ACBD6: variants seen among roughly 807,000 people sequenced by gnomAD.
ACBD6 encodes acyl-CoA binding domain containing 6.
ACBD6 carries 28 observed loss-of-function variants against 37.2 expected under a neutral mutation model. The observed-to-expected ratio is 0.75, with a 90% CI of 0.56 to 1.03. The LOEUF (loss-of-function observed/expected upper bound fraction) is 1.03, where lower values mean the gene tolerates loss of function less well. ACBD6 is among the 50% of genes least tolerant of loss of function. The pLI is 0.00. For missense variants in ACBD6, 340 were observed against 337.4 expected (o/e 1.01, Z -0.06); for synonymous variants, 113 against 126.8 (o/e 0.89, Z 0.73).
At chr1:180,382,295 A>G (rs1226837292) in intron 6 of ACBD6, among the ~76,000 whole-genome samples, 1 of 152,070 alleles carries the variant, frequency 6.6e-6, no homozygotes, top group Non-Finnish European at 1.5e-5. Flanking sequence ...AACAGAAGTT[A>G]ATAAACCAAT....
At chr1:180,442,395 G>C (rs753776239) in intron 3 of ACBD6, among the ~76,000 whole-genome samples, 6 of 152,114 alleles carry the variant, frequency 3.9e-5, no homozygotes, top group Non-Finnish European at 5.9e-5. Context: ...ATAGAGAACA[G>C]AGTCACTGCT....
chr1:180,382,697 T>C (rs1653703518), intron 6 of ACBD6, among the ~76,000 whole-genome samples: 1 of 152,166 alleles, frequency 6.6e-6, no homozygotes, highest in South Asian at 2.1e-4. Context: ...TTCCCCCTAA[T>C]TCATTCTACA....
Position 180,329,979 on chromosome 1 carries a change from TTTC to T in ACBD6, c.664-15260_664-15258del, listed in dbSNP as rs145609708. On this transcript the variant is annotated intron_variant, in intron 6 of 7. Coordinates refer to ENST00000367595, the MANE Select transcript of ACBD6 (RefSeq NM_032360.4). Reference sequence around the variant, plus strand: ...CTTTCTGACCAGCCCACTCCTCAGTTTTCTTAAGTTTTCTCTATGAATAAAAAC... The same window carrying T: ...CTTTCTGACCAGCCCACTCCTCAGTTTTAAGTTTTCTCTATGAATAAAAAC... Among the ~76,000 whole-genome samples the T allele has an allele frequency of 6.6e-3, 1,011 of 152,338 alleles. 15 individuals carry two copies. Among genetic ancestry groups the T allele is most frequent in the African/African-American group, 0.023 (965 of 41,566 alleles).
intron 3 of ACBD6, among the ~76,000 whole-genome samples, chr1:180,467,911 A>G (rs990384133): frequency 7.2e-5 from 11 of 152,236 alleles, no homozygotes; most frequent in African/African-American, 2.4e-4. Flanking sequence ...AGACATTTTC[A>G]GAGTCCCAAA....
chr1:180,422,544 A>C (rs1387850641), intron 4 of ACBD6, among the ~76,000 whole-genome samples: 1 of 152,144 alleles, frequency 6.6e-6, no homozygotes, highest in Non-Finnish European at 1.5e-5. Flanking sequence ...CGTAATGCTC[A>C]ATTAATTTAC....
chr1:180,451,839 T>C lies in ACBD6; in HGVS notation c.385-21577A>G, dbSNP rs115731071. Among the ~76,000 whole-genome samples the C allele has an allele frequency of 4.7e-3, 717 of 152,274 alleles. 5 individuals carry two copies. The highest frequency in any genetic ancestry group is 5.4e-3 in the Non-Finnish European group (370 of 68,024). ...CATGAATATGCTAAAAACCACTGAA[T>C]TGTACACTTAAATGGGAGAACACAG... On this transcript the variant is annotated intron_variant, in intron 3 of 7. Coordinates refer to ENST00000367595, the MANE Select transcript of ACBD6 (RefSeq NM_032360.4).
intron 3 of ACBD6, among the ~76,000 whole-genome samples, chr1:180,436,150 G>C (rs920201670): frequency 6.6e-6 from 1 of 152,164 alleles, no homozygotes; most frequent in African/African-American, 2.4e-5. Context: ...TTCAGTGGTA[G>C]ACTTGGGGGT....
downstream of ACBD6, among the ~76,000 whole-genome samples, chr1:180,285,603 A>T (rs1200337402): frequency 6.6e-6 from 1 of 152,190 alleles, no homozygotes; most frequent in Non-Finnish European, 1.5e-5. Flanking sequence ...ACTGAAGCAT[A>T]TATTTGTCTG....
intron 7 of ACBD6, among the ~76,000 whole-genome samples, chr1:180,306,826 C>A (rs867428724): frequency 1.2e-4 from 19 of 152,204 alleles, no homozygotes; most frequent in Admixed American, 2.0e-4. Flanking sequence ...AAATACTGAA[C>A]TTGGCTTTTA....
intron 7 of ACBD6, among the ~76,000 whole-genome samples, chr1:180,302,432 C>CG (rs1650167528): frequency 6.6e-6 from 1 of 151,626 alleles, no homozygotes; most frequent in African/African-American, 2.4e-5. Flanking sequence ...TAGGATAGTT[C>CG]GCTCTTCCTG....
At chr1:180,279,489 G>A (rs1649242007) in intron 9 of ACBD6, among the ~76,000 whole-genome samples, 1 of 152,140 alleles carries the variant, frequency 6.6e-6, no homozygotes, top group Non-Finnish European at 1.5e-5. Context: ...GTAGAGACGG[G>A]GTTTTGCCAC....
At chr1:180,332,016 A>G (rs745954564) in intron 6 of ACBD6, among the ~76,000 whole-genome samples, 1 of 152,182 alleles carries the variant, frequency 6.6e-6, no homozygotes, top group Non-Finnish European at 1.5e-5. Flanking sequence ...AAAATATGTT[A>G]AAGTTCTAAC....
chr1:180,356,893 GATATTAT>G (rs1652652651), intron 6 of ACBD6, among the ~76,000 whole-genome samples: 3 of 150,680 alleles, frequency 2.0e-5, no homozygotes, highest in African/African-American at 7.3e-5. Context: ...TTGGTATTAT[GATATTAT>G]ATATTATAAT....
chr1:180,490,591 C>T (rs562016920), intron 3 of ACBD6, among the ~76,000 whole-genome samples: 4 of 151,502 alleles, frequency 2.6e-5, no homozygotes, highest in Non-Finnish European at 5.9e-5. Flanking sequence ...TTGGCTAACA[C>T]GGTGAAACCC....
At chr1:180,388,916 C>G (rs1653957533) in intron 6 of ACBD6, among the ~76,000 whole-genome samples, 1 of 152,068 alleles carries the variant, frequency 6.6e-6, no homozygotes, top group African/African-American at 2.4e-5. Flanking sequence ...TTAAATAAGA[C>G]CTAAATAAAT....
At chr1:180,443,778 A>ATT (rs1649375518) in intron 3 of ACBD6, among the ~76,000 whole-genome samples, 1 of 42,860 alleles carries the variant, frequency 2.3e-5, no homozygotes, top group Non-Finnish European at 5.3e-5. Flanking sequence ...ACGCCCAGCT[A>ATT]ATTTTTTTTT....
intron 3 of ACBD6, among the ~76,000 whole-genome samples, chr1:180,469,438 T>C (rs1056017965): frequency 6.6e-6 from 1 of 152,212 alleles, no homozygotes. Context: ...GGATACTCTA[T>C]AGTGAGCCTG....
chr1:180,444,649 A>C (rs1195236370), intron 3 of ACBD6, among the ~76,000 whole-genome samples: 1 of 152,200 alleles, frequency 6.6e-6, no homozygotes, highest in East Asian at 1.9e-4. Flanking sequence ...TCTTTCATAG[A>C]GGCTTAGAAG....
chr1:180,409,595 C>T (rs748417523), intron 5 of ACBD6, among the ~76,000 whole-genome samples: 1 of 152,200 alleles, frequency 6.6e-6, no homozygotes, highest in South Asian at 2.1e-4. Context: ...TCAGTGATCT[C>T]TGATGTTACT....
Sources: allele counts gnomAD v4.1 joint callset (sites outside exome capture counted in the v4.1 genomes callset), GRCh38; gene constraint gnomAD v4.1.1; transcripts MANE v1.5; gene names NCBI Gene and HGNC (gene_info 2026-07-23, HGNC 2026-07-21).